Variants in CCDC85A observed in about 807,000 individuals in gnomAD.
CCDC85A encodes the protein coiled-coil domain-containing protein 85A.
Under a neutral mutation model 50.2 loss-of-function variants are expected in CCDC85A, and 38 were observed. The ratio of observed to expected loss-of-function variants is 0.76; its 90% CI spans 0.58 to 0.99. The LOEUF (loss-of-function observed/expected upper bound fraction) is 0.99, where lower values mean the gene tolerates loss of function less well. Ranked by LOEUF, CCDC85A falls within the 50% of genes least tolerant of loss-of-function variation. The probability of loss-of-function intolerance (pLI) is 0.00; values close to 1 mark genes in which losing one functional copy is unlikely to be tolerated. For synonymous variants in CCDC85A, 366 were observed against 301.4 expected, an observed-to-expected ratio of 1.21 and a Z score of -2.22; for missense variants, 820 against 742.0, an observed-to-expected ratio of 1.11 and a Z score of -1.22.
intron 5 of CCDC85A, among the ~76,000 whole-genome samples, chr2:56,380,496 G>A (rs975734750): frequency 6.6e-6 from 1 of 151,484 alleles, no homozygotes; most frequent in Non-Finnish European, 1.5e-5. Context: ...GGAGTTTGAG[G>A]CTGCAGTGAG....
At chr2:56,282,267 C>G (rs1671240998) in intron 2 of CCDC85A, among the ~76,000 whole-genome samples, 1 of 152,030 alleles carries the variant, frequency 6.6e-6, no homozygotes, top group African/African-American at 2.4e-5. Flanking sequence ...TTATGTTTGT[C>G]TGTCCTTACA....
At chr2:56,276,845 C>T (rs1160762846) in intron 2 of CCDC85A, among the ~76,000 whole-genome samples, 2 of 152,164 alleles carry the variant, frequency 1.3e-5, no homozygotes, top group African/African-American at 4.8e-5. Context: ...GGTTGATGTA[C>T]ATCTGGATTG....
chr2:56,222,209 T>C (rs1668355611), intron 2 of CCDC85A, among the ~76,000 whole-genome samples: 1 of 152,102 alleles, frequency 6.6e-6, no homozygotes, highest in Non-Finnish European at 1.5e-5. Context: ...AGGTGATGCA[T>C]TTTGCATTGG....
At chr2:56,382,875 C>A (rs1676656365) in intron 5 of CCDC85A, among the ~76,000 whole-genome samples, 1 of 151,936 alleles carries the variant, frequency 6.6e-6, no homozygotes. Flanking sequence ...ACATTCAAAG[C>A]ATTCTGGATA....
intron 1 of CCDC85A, among the ~76,000 whole-genome samples, chr2:56,191,826 C>G (rs933752439): frequency 2.0e-5 from 3 of 152,194 alleles, no homozygotes; most frequent in Admixed American, 6.5e-5. Context: ...GTGCCTTTCC[C>G]TACCAGGGGA....
rs1403235609 is a variant in CCDC85A, at chr2:56,384,228, GA to G, written c.1573-34del. ...AAATGCAAATCTCCTTGTGAAAGAG[GA>G]AAAGTAAGATACTCACTCCTTCTTT... On this transcript the variant is annotated intron_variant, in intron 5 of 5. Coordinates refer to ENST00000407595, the MANE Select transcript of CCDC85A (RefSeq NM_001080433.2). 3.8e-6 allele frequency: 6 copies of G among 1,566,296 alleles called. No individual in the cohort carries two copies. The South Asian group carries it at 6.7e-5, about 17-fold the overall frequency.
In CCDC85A at chr2:56,184,870, G is replaced by C. The variant is rs764349835; in HGVS notation, c.246G>C (p.Gln82His). 3.8e-5 allele frequency: 58 copies of C among 1,532,652 alleles called. No individual in the cohort carries two copies. The South Asian group carries it at 6.9e-4, about 18-fold the overall frequency. The allele number at this position is 1,532,652 out of a possible 1,614,324, so 94.9% of individuals were successfully genotyped here. A position where few individuals can be genotyped will look rare whatever the true frequency, so the allele number is the denominator to read the frequency against. Residue 82 changes from glutamine to histidine, a missense_variant, in exon 1 of 6, where the codon CAG becomes CAC. Coordinates refer to ENST00000407595, the MANE Select transcript of CCDC85A (RefSeq NM_001080433.2). The part of the protein sequence containing the change: ...NLIREVNRRL[Q>H]LHLGEIRGLK... ...TCCGCGAGGTGAACCGCCGCCTGCA[G>C]CTGCACCTCGGCGAGATCCGCGGCC...
At chr2:56,252,777 G>A (rs902907310) in intron 2 of CCDC85A, among the ~76,000 whole-genome samples, 3 of 152,096 alleles carry the variant, frequency 2.0e-5, no homozygotes, top group African/African-American at 4.8e-5. Context: ...TCCCACCTAT[G>A]AGTGAGAACA....
intron 2 of CCDC85A, among the ~76,000 whole-genome samples, chr2:56,197,633 G>A (rs1210516769): frequency 6.6e-6 from 1 of 152,086 alleles, no homozygotes; most frequent in Non-Finnish European, 1.5e-5. Flanking sequence ...CTTAAGATGG[G>A]TTGGTGTGAG....
chr2:56,299,420 C>T (rs1004472758), intron 2 of CCDC85A, among the ~76,000 whole-genome samples: 2 of 152,278 alleles, frequency 1.3e-5, no homozygotes, highest in Middle Eastern at 3.4e-3. Flanking sequence ...CTGGATGCAT[C>T]TGTGCTGCAA....
chr2:56,220,144 TTC>T (rs1668261622), intron 2 of CCDC85A, among the ~76,000 whole-genome samples: 1 of 151,988 alleles, frequency 6.6e-6, no homozygotes, highest in Admixed American at 6.6e-5. Context: ...ATTTCGGGAA[TTC>T]TGAGATGTTA....
chr2:56,252,592 T>C (rs1043661169), intron 2 of CCDC85A, among the ~76,000 whole-genome samples: 21 of 152,152 alleles, frequency 1.4e-4, no homozygotes, highest in Admixed American at 1.3e-3. Flanking sequence ...GTGCAGAATG[T>C]GCAGGTTTGT....
intron 2 of CCDC85A, among the ~76,000 whole-genome samples, chr2:56,277,592 A>G (rs929220882): frequency 1.3e-5 from 2 of 152,260 alleles, no homozygotes; most frequent in East Asian, 3.8e-4. Context: ...TTCAGACATT[A>G]CATTTCATAA....
intron 2 of CCDC85A, among the ~76,000 whole-genome samples, chr2:56,226,595 C>A (rs890552097): frequency 2.6e-5 from 4 of 151,826 alleles, no homozygotes; most frequent in Admixed American, 2.6e-4. Context: ...TTCCCAATTC[C>A]TGCGTTTTAG....
chr2:56,370,888 A>G (rs1415864596), intron 3 of CCDC85A, among the ~76,000 whole-genome samples: 5 of 152,172 alleles, frequency 3.3e-5, no homozygotes, highest in African/African-American at 1.2e-4. Flanking sequence ...TGTTATGGAA[A>G]TAATCAAATT....
chr2:56,310,701 C>T (rs1359447194), intron 2 of CCDC85A, among the ~76,000 whole-genome samples: 1 of 152,108 alleles, frequency 6.6e-6, no homozygotes, highest in Non-Finnish European at 1.5e-5. Context: ...TGACATCTAA[C>T]TATAAGGTCT....
intron 2 of CCDC85A, among the ~76,000 whole-genome samples, chr2:56,243,363 C>G (rs1558602294): frequency 6.6e-6 from 1 of 152,054 alleles, no homozygotes; most frequent in East Asian, 1.9e-4. Flanking sequence ...TTTCAAATAG[C>G]CTGTCTTCCA....
chr2:56,331,455 T>C (rs1300652700), intron 2 of CCDC85A, among the ~76,000 whole-genome samples: 1 of 152,178 alleles, frequency 6.6e-6, no homozygotes, highest in African/African-American at 2.4e-5. Flanking sequence ...TTGGGTGTTG[T>C]TTACACTAAA....
intron 2 of CCDC85A, among the ~76,000 whole-genome samples, chr2:56,333,562 A>G (rs1019629676): frequency 6.6e-6 from 1 of 152,162 alleles, no homozygotes. Flanking sequence ...ATGTGATCAG[A>G]GTTAGCGTTT....
Sources: gnomAD v4.1 joint callset for allele counts (sites outside exome capture counted in the v4.1 genomes callset) on GRCh38, gnomAD v4.1.1 for gene constraint, MANE v1.5 for transcripts, NCBI Gene and HGNC (gene_info 2026-07-23, HGNC 2026-07-21) for gene names.